The following SRSF9 variants were observed in gnomAD, a reference collection of about 807,000 sequenced individuals.
SRSF9 encodes serine and arginine rich splicing factor 9, also known as serine/arginine-rich splicing factor 9.
A neutral mutation model predicts 25.9 loss-of-function variants in SRSF9; 3 were observed. The observed-to-expected ratio is 0.12, with a 90% CI of 0.05 to 0.30. The LOEUF (loss-of-function observed/expected upper bound fraction) is 0.30. SRSF9 is among the 10% of genes least tolerant of loss of function. The pLI, the probability that SRSF9 is intolerant of heterozygous loss-of-function variation, is 1.00. For missense variants in SRSF9, 161 were observed against 303.5 expected (o/e 0.53, Z 3.49); for synonymous variants, 114 against 113.2 (o/e 1.01, Z -0.05).
intron 3 of SRSF9, 61 bp downstream of exon 3, chr12:120,463,889 T>A: frequency 2.0e-6 from 3 of 1,537,676 alleles, no homozygotes; most frequent in Non-Finnish European, 2.6e-6. Flanking sequence ...CTACCTCTGC[T>A]AGGTCAGGTT....
chr12:120,465,651 ATCT>A lies in SRSF9; in HGVS notation c.322_324del (p.Arg108del), dbSNP rs1878465817. The A allele has an allele frequency of 8.2e-6, 13 of 1,594,920 alleles. No homozygotes were observed. The highest frequency in any genetic ancestry group is 1.1e-5 in the Non-Finnish European group (13 of 1,174,714). Reference sequence around the variant, plus strand: ...CCTGAAACAAGAACTCGGAAATCAGATCTTCTTGTAGGAGGCCCATTCCTCCCA... The same window carrying A: ...CCTGAAACAAGAACTCGGAAATCAGATCTTGTAGGAGGCCCATTCCTCCCA... On this transcript the variant is annotated inframe_deletion, in exon 2 of 4. Coordinates refer to ENST00000229390, the MANE Select transcript of SRSF9 (RefSeq NM_003769.3).
At chr12:120,468,921 C>T (rs910438793) in intron 1 of SRSF9, among the ~76,000 whole-genome samples, 1 of 151,810 alleles carries the variant, frequency 6.6e-6, no homozygotes, top group Non-Finnish European at 1.5e-5. Context: ...GCCTGCGGGG[C>T]GGGGCGCGCG....
At chr12:120,466,052 G>A (rs914838399) in intron 1 of SRSF9, among the ~76,000 whole-genome samples, 1 of 152,148 alleles carries the variant, frequency 6.6e-6, no homozygotes, top group Non-Finnish European at 1.5e-5. Context: ...TCATAAGAGG[G>A]CTAATTCAGA....
At chr12:120,464,203 C>T in intron 2 of SRSF9, 81 bp from the exon 3 acceptor site, 2 of 1,489,962 alleles carry the variant, frequency 1.3e-6, no homozygotes, top group Non-Finnish European at 1.8e-6. Flanking sequence ...ACCTATGGTC[C>T]TTTCTCCATG....
At chr12:120,467,903 T>C (rs1042376475) in intron 1 of SRSF9, among the ~76,000 whole-genome samples, 3 of 143,168 alleles carry the variant, frequency 2.1e-5, no homozygotes, top group Non-Finnish European at 4.5e-5. Flanking sequence ...AAGACAAACC[T>C]GGCCAACATG....
At chr12:120,469,391 G>T in intron 1 of SRSF9, 31 bp downstream of exon 1, 1 of 1,542,336 alleles carries the variant, frequency 6.5e-7, no homozygotes, top group Non-Finnish European at 8.8e-7. Flanking sequence ...CAGGCACCGA[G>T]GAGGAGAGGG....
At chr12:120,464,212 T>C (rs1878432211) in intron 2 of SRSF9, 90 bp from the exon 3 acceptor site, 1 of 1,432,712 alleles carries the variant, frequency 7.0e-7, no homozygotes, top group Non-Finnish European at 9.4e-7. Flanking sequence ...CCTTTCTCCA[T>C]GATCACTTAA....
At chr12:120,464,684 G>GA (rs1289910535) in intron 2 of SRSF9, 4 of 152,256 alleles carry the variant, frequency 2.6e-5, no homozygotes, top group Non-Finnish European at 5.9e-5. Flanking sequence ...CAGTGGGGGG[G>GA]AAGGTAAGAC....
Position 120,469,580 on chromosome 12 carries a change from G to A in SRSF9, c.30C>T (p.Gly10=). MSGWADERG[G]EGDGRIYVGN... ...CCACGTAGATGCGCCCGTCGCCCTC[G>A]CCGCCGCGCTCGTCCGCCCAGCCCG... The change falls in exon 1 of 4, where the codon GGC becomes GGT. Residue 10 remains glycine (G), a synonymous_variant. Transcript: ENST00000229390. 1 of 1,549,918 alleles carries A rather than the reference G, an allele frequency of 6.5e-7. No individual in the cohort carries two copies. The highest frequency in any genetic ancestry group is 8.7e-7 in the Non-Finnish European group (1 of 1,152,356).
At chr12:120,466,361 A>G (rs931144246) in intron 1 of SRSF9, among the ~76,000 whole-genome samples, 2 of 152,192 alleles carry the variant, frequency 1.3e-5, no homozygotes, top group African/African-American at 4.8e-5. Context: ...ACAGGAAAAA[A>G]AAAGTAGCCA....
At chr12:120,468,721 C>G (rs948303100) in intron 1 of SRSF9, among the ~76,000 whole-genome samples, 16 of 152,182 alleles carry the variant, frequency 1.1e-4, no homozygotes, top group Admixed American at 2.0e-4. Context: ...GGCCTGAGGG[C>G]CGACGCTGTT....
intron 3 of SRSF9, 50 bp downstream of exon 3, chr12:120,463,900 C>G: frequency 1.3e-6 from 2 of 1,557,638 alleles, no homozygotes; most frequent in Non-Finnish European, 1.7e-6. Context: ...AGGTCAGGTT[C>G]AAGTGGAGTG....
intron 1 of SRSF9, 58 bp from the exon 2 acceptor site, chr12:120,465,845 A>C (rs1227314016): frequency 1.3e-6 from 2 of 1,516,522 alleles, no homozygotes; most frequent in Non-Finnish European, 1.8e-6. Flanking sequence ...TCAGGAGGCC[A>C]AGTGACTTTC....
intron 3 of SRSF9, chr12:120,463,533 C>T (rs750370950): frequency 1.9e-5 from 3 of 154,928 alleles, no homozygotes; most frequent in Admixed American, 1.3e-4. Flanking sequence ...GACAGCAGGA[C>T]CTAGAAGGGC....
intron 1 of SRSF9, among the ~76,000 whole-genome samples, chr12:120,469,112 G>A (rs1419360219): frequency 2.0e-5 from 3 of 152,186 alleles, no homozygotes; most frequent in Non-Finnish European, 4.4e-5. Context: ...GGCAGGAGGC[G>A]GACAAGGCTC....
At chr12:120,467,640 G>T (rs1296990352) in intron 1 of SRSF9, among the ~76,000 whole-genome samples, 1 of 152,132 alleles carries the variant, frequency 6.6e-6, no homozygotes, top group Non-Finnish European at 1.5e-5. Flanking sequence ...CAGGGTTATT[G>T]TAATGGTTAA....
In SRSF9 at chr12:120,462,067, G is replaced by A; in HGVS notation, c.618C>T (p.Tyr206=). 1.2e-6 allele frequency: 2 copies of A among 1,612,076 alleles called. No individual in the cohort carries two copies. The highest frequency in any genetic ancestry group is 1.7e-6 in the Non-Finnish European group (2 of 1,179,892). The change falls in exon 4 of 4, where the codon TAC becomes TAT. Residue 206 remains tyrosine, a synonymous_variant. Transcript: ENST00000229390. ...RSGSRGRDSP[Y]QSRGSPHYFS... ...AGTAGTGTGGGGAACCCCTGCTTTG[G>A]TATGGAGAGTCACGGCCCCTTGACC...
chr12:120,468,836 T>A (rs1878553275), intron 1 of SRSF9, among the ~76,000 whole-genome samples: 1 of 151,996 alleles, frequency 6.6e-6, no homozygotes, highest in African/African-American at 2.4e-5. Context: ...AGGAGGGAAG[T>A]GAAATCAGAG....
chr12:120,465,929 T>G, intron 1 of SRSF9, 142 bp from the exon 2 acceptor site: 6 of 747,002 alleles, frequency 8.0e-6, no homozygotes, highest in Non-Finnish European at 1.0e-5. Context: ...ATCAGGATCC[T>G]GAAGCACTTC....
Sources: gnomAD v4.1 joint callset for allele counts (sites outside exome capture counted in the v4.1 genomes callset) on GRCh38, gnomAD v4.1.1 for gene constraint, MANE v1.5 for transcripts, NCBI Gene and HGNC (gene_info 2026-07-23, HGNC 2026-07-21) for gene names.